GJA3: variants seen among roughly 807,000 people sequenced by gnomAD.
GJA3 encodes the protein gap junction alpha-3 protein.
For synonymous variants in GJA3, 297 were observed against 292.6 expected, an observed-to-expected ratio of 1.02 and a Z score of -0.15; for missense variants, 571 against 620.3, an observed-to-expected ratio of 0.92 and a Z score of 0.84.
At chr13:20,155,788 G>A (rs1958903913) in intron 1 of GJA3, among the ~76,000 whole-genome samples, 1 of 151,706 alleles carries the variant, frequency 6.6e-6, no homozygotes, top group Non-Finnish European at 1.5e-5. Context: ...TTTAGTATTT[G>A]TTGGCATTAC....
rs1264327488 is a variant in GJA3, at chr13:20,141,845, C to A, written c.*136G>T. 4 of 1,290,288 alleles carry A rather than the reference C, an allele frequency of 3.1e-6. No individual in the cohort carries two copies. Among genetic ancestry groups the A allele is most frequent in the Non-Finnish European group, 4.3e-6 (4 of 937,602 alleles). The allele number at this position is 1,290,288 out of a possible 1,614,324, so 79.9% of individuals were successfully genotyped here. A position where few individuals can be genotyped will look rare whatever the true frequency, so the allele number is the denominator to read the frequency against. On this transcript the variant is annotated 3_prime_UTR_variant, in exon 2 of 2. Transcript: ENST00000241125. The stretch of plus-strand genomic sequence containing the variant: ...CACGGAAACCTGATCTCTCCTCCAT[C>A]GTCCACCTCCTGGGACTCCAGTCGC...
At position 20,143,076 on chromosome 13, in the gene GJA3, G is replaced by T. The variant is rs1360814441; in HGVS notation, c.213C>A (p.Pro71=). The change falls in exon 2 of 2, where the codon CCC becomes CCA. Residue 71 remains proline (P), a synonymous_variant. Transcript: ENST00000241125. ...GCGCCCAGAAGCGGATGTGGGAGAT[G>T]GGGAAGGCCCTGTCGTAGCAGACGT... The part of the protein sequence containing the change: ...CENVCYDRAF[P]ISHIRFWALQ... 3 of 1,613,850 alleles carry T rather than the reference G, an allele frequency of 1.9e-6. No homozygotes were observed. In the Admixed American group the frequency reaches 5.0e-5, roughly 27 times the overall value.
chr13:20,141,922 G>T lies in GJA3; in HGVS notation c.*59C>A. The T allele has an allele frequency of 6.5e-7, 1 of 1,537,692 alleles. No individual in the cohort carries two copies. The highest frequency in any genetic ancestry group is 1.2e-5 in the South Asian group (1 of 83,408). On this transcript the variant is annotated 3_prime_UTR_variant, in exon 2 of 2. Coordinates refer to ENST00000241125, the MANE Select transcript of GJA3 (RefSeq NM_021954.4). ...TATCTGCTGGTGGGAAGTGCACTTT[G>T]GTTTTGGTTTCTAAGAAAAAGATCA... is the stretch of plus-strand genomic sequence containing the variant.
chr13:20,152,827 T>C (rs1161788031), intron 1 of GJA3, among the ~76,000 whole-genome samples: 1 of 152,242 alleles, frequency 6.6e-6, no homozygotes. Context: ...CAAGTAGGCT[T>C]ACCCAGAAAG....
chr13:20,154,995 C>A (rs975245340), intron 1 of GJA3, among the ~76,000 whole-genome samples: 1 of 151,924 alleles, frequency 6.6e-6, no homozygotes, highest in African/African-American at 2.4e-5. Context: ...AGACTACAGG[C>A]ACACACCACC....
chr13:20,158,931 A>AAAAAAAAAAAAAAAAAAAG (rs1555340275), intron 1 of GJA3, among the ~76,000 whole-genome samples: 1 of 148,836 alleles, frequency 6.7e-6, no homozygotes, highest in African/African-American at 2.5e-5. Flanking sequence ...AAAAAAAAAA[A>AAAAAAAAAAAAAAAAAAAG]AAAAAGAAAA....
At chr13:20,157,889 T>C (rs1304764953) in intron 1 of GJA3, among the ~76,000 whole-genome samples, 1 of 148,276 alleles carries the variant, frequency 6.7e-6, no homozygotes, top group Non-Finnish European at 1.5e-5. Context: ...TTTTTTTTTT[T>C]CTGTCACACT....
chr13:20,154,997 C>T (rs1176157734), intron 1 of GJA3, among the ~76,000 whole-genome samples: 1 of 151,896 alleles, frequency 6.6e-6, no homozygotes, highest in Admixed American at 6.6e-5. Flanking sequence ...ACTACAGGCA[C>T]ACACCACCAC....
Position 20,142,615 on chromosome 13 carries a change from A to C in GJA3, c.674T>G (p.Leu225Arg). The C allele has an allele frequency of 1.2e-6, 2 of 1,613,004 alleles. No individual in the cohort carries two copies. Among genetic ancestry groups the C allele is most frequent in the Non-Finnish European group, 1.7e-6 (2 of 1,179,742 alleles). The change falls in exon 2 of 2, where the codon CTG (leucine) becomes CGG (arginine). Residue 225 changes from leucine (L) to arginine (R), a missense_variant. Leu to Arg is a moderately radical substitution (Grantham distance 102, BLOSUM62 -2). Transcript: ENST00000241125. ...LLLNMLEIYH[L>R]GWKKLKQGVT... ...GCCCTGCTTGAGCTTCTTCCAGCCCAGGTGGTAGATCTCCAGCATGTTGAG... is the reference window on the plus strand; with the variant it reads ...GCCCTGCTTGAGCTTCTTCCAGCCCCGGTGGTAGATCTCCAGCATGTTGAG...
intron 1 of GJA3, among the ~76,000 whole-genome samples, chr13:20,147,628 A>T (rs1164765757): frequency 6.6e-6 from 1 of 152,140 alleles, no homozygotes; most frequent in Non-Finnish European, 1.5e-5. Flanking sequence ...GAATGGGGTG[A>T]TTTTTCTTTT....
chr13:20,142,782 A>G lies in GJA3; in HGVS notation c.507T>C (p.Phe169=), dbSNP rs1158565489. The change falls in exon 2 of 2, where the codon TTT becomes TTC. Residue 169 remains phenylalanine (F), a synonymous_variant. Transcript: ENST00000241125. Reference sequence around the variant, plus strand: ...GCGGCTTCAGCTCGAAGCCGTACAGAAAGTACTGGCCGGCGATGAAGCCCA... The same window carrying G: ...GCGGCTTCAGCTCGAAGCCGTACAGGAAGTACTGGCCGGCGATGAAGCCCA... ...FEVGFIAGQY[F]LYGFELKPLY... is the part of the protein sequence containing the mutation. 16 of 1,613,634 alleles carry G rather than the reference A, an allele frequency of 9.9e-6. No individual in the cohort carries two copies. The highest frequency in any genetic ancestry group is 1.4e-5 in the Non-Finnish European group (16 of 1,179,910).
intron 1 of GJA3, among the ~76,000 whole-genome samples, chr13:20,158,790 T>C (rs1958919862): frequency 6.6e-6 from 1 of 151,126 alleles, no homozygotes; most frequent in Non-Finnish European, 1.5e-5. Flanking sequence ...CGCATGCCTG[T>C]AATCCCAGCT....
rs1292814066 is a variant in GJA3 at position 20,143,276 on chromosome 13, T to G, written c.13A>C (p.Ser5Arg). The change falls in exon 2 of 2, where the codon AGC becomes CGC. Residue 5 changes from serine to arginine, a missense_variant. Transcript: ENST00000241125. ...TTTTCTAAGAGTCTTCCCAGAAAGC[T>G]CCAGTCGCCCATTGCTTCAGATTCC... is the stretch of plus-strand genomic sequence containing the variant. Reference protein sequence around the residue: MGDWSFLGRLLENAQ... With the variant: MGDWRFLGRLLENAQ... The G allele has an allele frequency of 1.3e-6, 2 of 1,519,410 alleles. No individual in the cohort carries two copies. Among genetic ancestry groups the G allele is most frequent in the East Asian group, 4.5e-5 (2 of 44,128 alleles). 94.1% of individuals were successfully genotyped at this position (1,519,410 alleles called of 1,614,324 possible). A position where few individuals can be genotyped will look rare whatever the true frequency, so the allele number is the denominator to read the frequency against.
At position 20,142,420 on chromosome 13, in the gene GJA3, G is replaced by A; in HGVS notation, c.869C>T (p.Ala290Val). 1 of 1,498,806 alleles carries A rather than the reference G, an allele frequency of 6.7e-7. No homozygotes were observed. Among genetic ancestry groups the A allele is most frequent in the Admixed American group, 2.3e-5 (1 of 43,120 alleles). The allele number at this position is 1,498,806 out of a possible 1,614,324, so 92.8% of individuals were successfully genotyped here. Residue 290 changes from alanine to valine, a missense_variant, in exon 2 of 2, where the codon GCC (alanine) becomes GTC (valine). Transcript: ENST00000241125. ...GQARAVGYPG[A>V]PPPAADFKLL... ...TTTGAAGTCCGCGGCTGGTGGCGGGGCCCCGGGGTAGCCCACGGCGCGGGC... is the reference window on the plus strand; with the variant it reads ...TTTGAAGTCCGCGGCTGGTGGCGGGACCCCGGGGTAGCCCACGGCGCGGGC...
chr13:20,142,452 C>G lies in GJA3; in HGVS notation c.837G>C (p.Leu279=). 6.6e-7 allele frequency: 1 copy of G among 1,525,376 alleles called. No individual in the cohort carries two copies. The highest frequency in any genetic ancestry group is 8.8e-7 in the Non-Finnish European group (1 of 1,135,662). The allele number at this position is 1,525,376 out of a possible 1,614,324, so 94.5% of individuals were successfully genotyped here. A position where few individuals can be genotyped will look rare whatever the true frequency, so the allele number is the denominator to read the frequency against. ...GGTAGCCCACGGCGCGGGCCTGTCC[C>G]AGGGGCGCAGCGGTGTGCGCATAGT... is the stretch of plus-strand genomic sequence containing the variant. ...PPYYAHTAAP[L]GQARAVGYPG... is the part of the protein sequence containing the mutation. Residue 279 remains leucine, a synonymous_variant, in exon 2 of 2, where the codon CTG becomes CTC. Transcript: ENST00000241125.
intron 1 of GJA3, among the ~76,000 whole-genome samples, chr13:20,144,894 T>C (rs931603002): frequency 2.0e-5 from 3 of 152,218 alleles, no homozygotes; most frequent in African/African-American, 7.2e-5. Context: ...TTTTAAAATA[T>C]TTCAGGCTGG....
rs768532448 is a variant in GJA3, at chr13:20,141,648, T to C, written c.*333A>G. 6 of 309,396 alleles carry C rather than the reference T, an allele frequency of 1.9e-5. No individual in the cohort carries two copies. The highest frequency in any genetic ancestry group is 1.3e-4 in the African/African-American group (6 of 45,740). 19.2% of individuals were successfully genotyped at this position (309,396 alleles called of 1,614,324 possible). Reference sequence around the variant, plus strand: ...AGCTAAAGGGACTGCAGGATACCTGTTGCTTTACCACTACAGAACAGTTAC... The same window carrying C: ...AGCTAAAGGGACTGCAGGATACCTGCTGCTTTACCACTACAGAACAGTTAC... On this transcript the variant is annotated 3_prime_UTR_variant, in exon 2 of 2. Transcript: ENST00000241125.
intron 1 of GJA3, among the ~76,000 whole-genome samples, chr13:20,148,013 T>C (rs1958853591): frequency 6.6e-6 from 1 of 152,134 alleles, no homozygotes; most frequent in Non-Finnish European, 1.5e-5. Context: ...CCATCACTCA[T>C]CTGAGCCTCA....
intron 1 of GJA3, among the ~76,000 whole-genome samples, chr13:20,150,190 A>G (rs1297309868): frequency 1.3e-5 from 2 of 152,202 alleles, no homozygotes; most frequent in Non-Finnish European, 2.9e-5. Context: ...CTGAGCTGGA[A>G]GAAAGGTGAG....
Sources: gnomAD v4.1 joint callset for allele counts (sites outside exome capture counted in the v4.1 genomes callset) on GRCh38, gnomAD v4.1.1 for gene constraint, MANE v1.5 for transcripts, NCBI Gene and HGNC (gene_info 2026-07-23, HGNC 2026-07-21) for gene names.